ZFP1: variants seen among roughly 807,000 people sequenced by gnomAD.
ZFP1 encodes zinc finger protein 1 homolog.
A neutral mutation model predicts 38.5 loss-of-function variants in ZFP1; 32 were observed. The ratio of observed to expected loss-of-function variants is 0.83; its 90% confidence interval spans 0.63 to 1.12. ZFP1 has a LOEUF of 1.12. Ranked by LOEUF, ZFP1 falls within the 50% of genes most tolerant of loss-of-function variation. The pLI, the probability that ZFP1 is intolerant of heterozygous loss-of-function variation, is 0.00. For synonymous variants in ZFP1, 245 were observed against 168.8 expected (o/e 1.45, Z -3.50); for missense variants, 616 against 480.8 (o/e 1.28, Z -2.63).
intron 2 of ZFP1, among the ~76,000 whole-genome samples, chr16:75,157,928 T>C (rs11648915): frequency 0.88 from 132,616 of 151,526 alleles, 58,234 homozygotes; most frequent in Middle Eastern, 0.92. Context: ...ACTACAGGCG[T>C]GTACCACCAT....
the ZFP1 span, among the ~76,000 whole-genome samples, chr16:75,119,790 C>CA: frequency 6.6e-6 from 1 of 151,800 alleles, no homozygotes; most frequent in Non-Finnish European, 1.5e-5. Context: ...CTGACTTGAT[C>CA]AAATACAAAG....
upstream of ZFP1, among the ~76,000 whole-genome samples, chr16:75,144,637 C>T (rs1315194257): frequency 6.6e-6 from 1 of 152,188 alleles, no homozygotes; most frequent in Non-Finnish European, 1.5e-5. Flanking sequence ...TCACCACTTT[C>T]TCCTTCCAGA....
Position 75,170,649 on chromosome 16 carries a change from G to C in ZFP1, c.*315G>C, listed in dbSNP as rs2038375727. 2 of 228,842 alleles carry C rather than the reference G, an allele frequency of 8.7e-6. No homozygotes were observed. The highest frequency in any genetic ancestry group is 1.5e-4 in the South Asian group (1 of 6,844). The allele number at this position is 228,842 out of a possible 1,614,324, so 14.2% of individuals were successfully genotyped here. ...AAGAAATATACAAACAGTATCCTAT[G>C]AATTTAGTGGTTTTATGTGGATATG... On this transcript the variant is annotated 3_prime_UTR_variant, in exon 4 of 4. Transcript: ENST00000570010.
chr16:75,141,830 C>A, the ZFP1 span, among the ~76,000 whole-genome samples: 1 of 151,288 alleles, frequency 6.6e-6, no homozygotes, highest in Non-Finnish European at 1.5e-5. Context: ...GCGAGTGGAT[C>A]ATTTGAGGTC....
At chr16:75,153,239 A>T (rs368080119) in intron 2 of ZFP1, among the ~76,000 whole-genome samples, 1 of 152,228 alleles carries the variant, frequency 6.6e-6, no homozygotes, top group Non-Finnish European at 1.5e-5. Context: ...AGAAACAACC[A>T]ACTTTGAAAG....
At chr16:75,161,934 G>T (rs1324386434) in intron 2 of ZFP1, among the ~76,000 whole-genome samples, 14 of 146,350 alleles carry the variant, frequency 9.6e-5, no homozygotes, top group Admixed American at 2.1e-4. Flanking sequence ...ACAGGCGCCC[G>T]CTACTGTGCC....
the ZFP1 span, among the ~76,000 whole-genome samples, chr16:75,131,058 T>A: frequency 3.9e-5 from 6 of 152,108 alleles, no homozygotes; most frequent in Admixed American, 3.9e-4. Context: ...AGATCCAGCT[T>A]TCCTTTCTGT....
chr16:75,125,578 C>T, the ZFP1 span, among the ~76,000 whole-genome samples: 1 of 152,162 alleles, frequency 6.6e-6, no homozygotes, highest in East Asian at 1.9e-4. Flanking sequence ...CCACCTGGGC[C>T]TTCCAAAGTG....
chr16:75,162,665 C>G (rs1245003573), intron 2 of ZFP1, among the ~76,000 whole-genome samples: 1 of 152,136 alleles, frequency 6.6e-6, no homozygotes, highest in African/African-American at 2.4e-5. Flanking sequence ...CTTTGCCCCT[C>G]CCTTCCCTAC....
intron 2 of ZFP1, among the ~76,000 whole-genome samples, chr16:75,164,246 C>CTT (rs2037939617): frequency 6.6e-6 from 1 of 151,498 alleles, no homozygotes; most frequent in Non-Finnish European, 1.5e-5. Context: ...AGGTCTTAGT[C>CTT]TTTTAACAGA....
At chr16:75,134,407 T>G in the ZFP1 span, among the ~76,000 whole-genome samples, 1 of 152,070 alleles carries the variant, frequency 6.6e-6, no homozygotes, top group Non-Finnish European at 1.5e-5. Flanking sequence ...CAGGAGTTTG[T>G]GACCAGCCTG....
chr16:75,164,632 G>A (rs1004495234), intron 2 of ZFP1, among the ~76,000 whole-genome samples: 1 of 151,974 alleles, frequency 6.6e-6, no homozygotes, highest in Non-Finnish European at 1.5e-5. Context: ...ATTCTAGATC[G>A]GGGGTGTCAA....
chr16:75,165,115 G>C (rs972567507), intron 2 of ZFP1, among the ~76,000 whole-genome samples: 1 of 151,944 alleles, frequency 6.6e-6, no homozygotes, highest in Non-Finnish European at 1.5e-5. Context: ...TCCATAAATC[G>C]AGTTTTATTG....
rs1460109788 is a variant in ZFP1 at position 75,166,662 on chromosome 16, C to T, written c.16-108C>T. Reference sequence around the variant, plus strand: ...AACAAAAACAGTGAACAAGATGTATCGTTGGTGTAATATATAGATTTTCAT... The same window carrying T: ...AACAAAAACAGTGAACAAGATGTATTGTTGGTGTAATATATAGATTTTCAT... On this transcript the variant is annotated intron_variant, in intron 2 of 3. Coordinates refer to ENST00000570010, the MANE Select transcript of ZFP1 (RefSeq NM_153688.4). The T allele has an allele frequency of 3.8e-6, 6 of 1,571,822 alleles. No individual in the cohort carries two copies. In the African/African-American group the frequency reaches 4.1e-5, roughly 11 times the overall value.
chr16:75,166,725 T>C, intron 2 of ZFP1, 45 bp from the exon 3 acceptor site: 1 of 1,613,728 alleles, frequency 6.2e-7, no homozygotes, highest in Non-Finnish European at 8.5e-7. Context: ...CCTTTCTATA[T>C]CACCAAATGA....
upstream of ZFP1, among the ~76,000 whole-genome samples, chr16:75,145,657 G>T (rs2036935216): frequency 6.6e-6 from 1 of 152,194 alleles, no homozygotes; most frequent in African/African-American, 2.4e-5. Context: ...GAGCATTGAA[G>T]AGGTAGCTGG....
In ZFP1 at chr16:75,170,475, C is replaced by T; in HGVS notation, c.*141C>T. 1.6e-6 allele frequency: 2 copies of T among 1,229,602 alleles called. No individual in the cohort carries two copies. Among genetic ancestry groups the T allele is most frequent in the South Asian group, 4.5e-5 (2 of 44,714 alleles). 76.2% of individuals were successfully genotyped at this position (1,229,602 alleles called of 1,614,324 possible). On this transcript the variant is annotated 3_prime_UTR_variant, in exon 4 of 4. Transcript: ENST00000570010. ...CTCAAAAATGTATTAAAAATAGGAT[C>T]CCATGAGAACATTATACTGGAAGTT...
At chr16:75,152,667 T>G (rs1384690291) in intron 1 of ZFP1, among the ~76,000 whole-genome samples, 2 of 152,248 alleles carry the variant, frequency 1.3e-5, no homozygotes, top group Admixed American at 6.5e-5. Flanking sequence ...TTCTGTTGAT[T>G]GTTTTGCCTC....
upstream of ZFP1, among the ~76,000 whole-genome samples, chr16:75,143,734 G>A (rs1355001048): frequency 1.4e-5 from 2 of 144,032 alleles, no homozygotes; most frequent in African/African-American, 2.6e-5. Context: ...TCACTGCAGC[G>A]TCAACCTCCT....
Sources: allele counts gnomAD v4.1 joint callset (sites outside exome capture counted in the v4.1 genomes callset), GRCh38; gene constraint gnomAD v4.1.1; transcripts MANE v1.5; gene names NCBI Gene and HGNC (gene_info 2026-07-23, HGNC 2026-07-21).